Variants in DLC1 observed in about 807,000 individuals in gnomAD.
DLC1 encodes the protein rho GTPase-activating protein 7.
A neutral mutation model predicts 140.3 loss-of-function variants in DLC1; 54 were observed. The observed-to-expected ratio is 0.38, with a 90% CI of 0.31 to 0.48. DLC1 has a LOEUF of 0.48. Ranked by LOEUF, DLC1 falls within the 20% of genes least tolerant of loss-of-function variation. DLC1 has a pLI of 0.96. For missense variants in DLC1, 2,536 were observed against 1,907.0 expected (o/e 1.33, Z -6.14); for synonymous variants, 986 against 728.1 (o/e 1.35, Z -5.70).
chr8:13,170,715 G>C (rs1825413626), intron 5 of DLC1, among the ~76,000 whole-genome samples: 1 of 134,592 alleles, frequency 7.4e-6, no homozygotes, highest in Admixed American at 8.1e-5. Flanking sequence ...GGGCGACAGA[G>C]CAAGACTCCA....
In DLC1 at chr8:13,499,350, G is replaced by C; in HGVS notation, c.722C>G (p.Pro241Arg). 2.5e-6 allele frequency: 4 copies of C among 1,613,062 alleles called. No homozygotes were observed. The highest frequency in any genetic ancestry group is 3.4e-6 in the Non-Finnish European group (4 of 1,179,266). Residue 241 changes from proline to arginine, a missense_variant, in exon 2 of 18, where the codon CCT becomes CGT. Transcript: ENST00000276297. Reference protein sequence around the residue: ...IAQQRRKPDPPKDENERSTCN... With the variant: ...IAQQRRKPDPRKDENERSTCN... ...GGTGCTTCTTTCATTTTCATCTTTA[G>C]GGGGGTCAGGTTTCCTTCGTTGCTG...
In DLC1 at chr8:13,139,566, C is replaced by T. The variant is rs555427520; in HGVS notation, c.1349-23909G>A. On this transcript the variant is annotated intron_variant, in intron 5 of 17. Coordinates refer to ENST00000276297, the MANE Select transcript of DLC1 (RefSeq NM_182643.3). ...TAAGGAGCTCCATGGAGGGCTTGGA[C>T]GTACTGAATTCTTAGTCCTGATTTG... 4.6e-5 allele frequency among the ~76,000 whole-genome samples: 7 copies of T among 152,282 alleles called. No individual in the cohort carries two copies. The East Asian group carries it at 5.8e-4, about 13-fold the overall frequency.
chr8:13,345,509 G>A (rs958028249), intron 4 of DLC1, among the ~76,000 whole-genome samples: 3 of 141,268 alleles, frequency 2.1e-5, no homozygotes, highest in Admixed American at 7.2e-5. Context: ...CTGAGCATAT[G>A]TGGTTAATCG....
At chr8:13,103,566 C>T (rs568751943) in intron 7 of DLC1, among the ~76,000 whole-genome samples, 25 of 150,796 alleles carry the variant, frequency 1.7e-4, no homozygotes, top group Non-Finnish European at 1.8e-4. Context: ...TGACTCGGCA[C>T]GGTGGCTCAT....
chr8:13,464,763 TATTTATATATATATATATATATATA>T (rs1799849945), intron 2 of DLC1, among the ~76,000 whole-genome samples: 1 of 60,422 alleles, frequency 1.7e-5, no homozygotes. Context: ...TATATATATA[TATTTATATATATATATATATATATA>T]TATTTATGCT....
Position 13,092,468 on chromosome 8 carries a change from T to C in DLC1, c.3740+144A>G, listed in dbSNP as rs1818153655. 7.0e-6 allele frequency: 6 copies of C among 851,766 alleles called. No individual in the cohort carries two copies. The Admixed American group carries it at 1.5e-4, about 22-fold the overall frequency. The allele number at this position is 851,766 out of a possible 1,614,324, so 52.8% of individuals were successfully genotyped here. A position where few individuals can be genotyped will look rare whatever the true frequency, so the allele number is the denominator to read the frequency against. On this transcript the variant is annotated intron_variant, in intron 13 of 17. Coordinates refer to ENST00000276297, the MANE Select transcript of DLC1 (RefSeq NM_182643.3). Reference sequence around the variant, plus strand: ...CAGACCAGTCTCAGGTATGTCTTTATTAGCGGTGTGAGAATGGACTAATAT... The same window carrying C: ...CAGACCAGTCTCAGGTATGTCTTTACTAGCGGTGTGAGAATGGACTAATAT...
intron 5 of DLC1, among the ~76,000 whole-genome samples, chr8:13,142,004 G>A (rs1025609924): frequency 6.6e-6 from 1 of 152,146 alleles, no homozygotes; most frequent in African/African-American, 2.4e-5. Context: ...TACGGGGGTG[G>A]TTTCTCCATG....
chr8:13,473,736 T>C (rs561411494), intron 2 of DLC1, among the ~76,000 whole-genome samples: 95 of 152,240 alleles, frequency 6.2e-4, no homozygotes, highest in African/African-American at 2.1e-3. Context: ...GTGACTCTTG[T>C]TATGTTTTAG....
intron 1 of DLC1, among the ~76,000 whole-genome samples, chr8:13,520,155 G>A (rs1233194321): frequency 2.0e-5 from 3 of 152,120 alleles, no homozygotes; most frequent in Admixed American, 6.5e-5. Context: ...ATCATTCTAC[G>A]ATAAAGACAC....
intron 1 of DLC1, among the ~76,000 whole-genome samples, chr8:13,576,946 A>C (rs191544732): frequency 1.3e-5 from 2 of 151,940 alleles, no homozygotes; most frequent in African/African-American, 2.4e-5. Flanking sequence ...CTCTGACTGC[A>C]AAGTGCTTAC....
intron 5 of DLC1, among the ~76,000 whole-genome samples, chr8:13,296,332 C>T (rs897851654): frequency 6.6e-6 from 1 of 152,004 alleles, no homozygotes; most frequent in East Asian, 1.9e-4. Context: ...CATAAATTGT[C>T]TTTCTTCTGA....
At chr8:13,302,872 A>G (rs1379701349) in intron 5 of DLC1, among the ~76,000 whole-genome samples, 1 of 152,176 alleles carries the variant, frequency 6.6e-6, no homozygotes, top group Non-Finnish European at 1.5e-5. Flanking sequence ...TGAAAGAAAC[A>G]AGATTTATAT....
intron 4 of DLC1, among the ~76,000 whole-genome samples, chr8:13,347,199 G>A (rs967837331): frequency 6.6e-6 from 1 of 152,084 alleles, no homozygotes; most frequent in African/African-American, 2.4e-5. Context: ...TACTGTTTTG[G>A]GTATTTTCTA....
chr8:13,143,730 G>A (rs910246435), intron 5 of DLC1, among the ~76,000 whole-genome samples: 1 of 151,600 alleles, frequency 6.6e-6, no homozygotes, highest in Non-Finnish European at 1.5e-5. Context: ...TTTTTCTTGG[G>A]ATAATCATTC....
rs1268319189 is a variant in DLC1 at position 13,247,690 on chromosome 8, C to T, written c.1348+57579G>A. 2.0e-5 allele frequency among the ~76,000 whole-genome samples: 3 copies of T among 152,200 alleles called. No individual in the cohort carries two copies. The East Asian group carries it at 5.8e-4, about 29-fold the overall frequency. On this transcript the variant is annotated intron_variant, in intron 5 of 17. Transcript: ENST00000276297. The stretch of plus-strand genomic sequence containing the variant: ...TAACCACTATGCTTAACTGCCCTAA[C>T]ACCATGCAAATGCCTGTCTTTGAAG...
At chr8:13,207,722 G>T (rs1827740755) in intron 5 of DLC1, among the ~76,000 whole-genome samples, 1 of 152,112 alleles carries the variant, frequency 6.6e-6, no homozygotes, top group Non-Finnish European at 1.5e-5. Flanking sequence ...GTCTGGAGAG[G>T]TTTTGGCTGT....
At chr8:13,404,866 C>G (rs1837454034) in intron 2 of DLC1, among the ~76,000 whole-genome samples, 1 of 152,090 alleles carries the variant, frequency 6.6e-6, no homozygotes, top group Non-Finnish European at 1.5e-5. Flanking sequence ...AATAGACAGG[C>G]ATGGTACTGG....
intron 2 of DLC1, among the ~76,000 whole-genome samples, chr8:13,405,378 AT>A (rs1385343186): frequency 6.6e-6 from 1 of 152,070 alleles, no homozygotes; most frequent in East Asian, 1.9e-4. Flanking sequence ...ATATTTTTAT[AT>A]TGACATTTAT....
chr8:13,151,821 A>G lies in DLC1; in HGVS notation c.1349-36164T>C, dbSNP rs879440810. The stretch of plus-strand genomic sequence containing the variant: ...GACTTTTTATTCCATACTATATTAC[A>G]CCTTTAAAATTTTATACCATTTACA... On this transcript the variant is annotated intron_variant, in intron 5 of 17. Coordinates refer to ENST00000276297, the MANE Select transcript of DLC1 (RefSeq NM_182643.3). 2.0e-5 allele frequency among the ~76,000 whole-genome samples: 3 copies of G among 152,108 alleles called. No individual in the cohort carries two copies. In the East Asian group the frequency reaches 5.8e-4, roughly 29 times the overall value.
Sources: allele counts gnomAD v4.1 joint callset (sites outside exome capture counted in the v4.1 genomes callset), GRCh38; gene constraint gnomAD v4.1.1; transcripts MANE v1.5; gene names NCBI Gene and HGNC (gene_info 2026-07-23, HGNC 2026-07-21).